USP34: variants seen among roughly 807,000 people sequenced by gnomAD.
USP34 encodes the protein ubiquitin carboxyl-terminal hydrolase 34.
In USP34, 70 loss-of-function variants were observed where a neutral mutation model predicts 460.3. The ratio of observed to expected loss-of-function variants is 0.15; its 90% CI spans 0.13 to 0.19. The LOEUF (loss-of-function observed/expected upper bound fraction) is 0.19. USP34 is among the 10% of genes least tolerant of loss of function. USP34 has a pLI of 1.00. For missense variants in USP34, 3,985 were observed against 4,236.2 expected (o/e 0.94, Z 1.65); for synonymous variants, 1,647 against 1,405.3 (o/e 1.17, Z -3.85).
At chr2:61,375,131 A>T (rs1692753302) in intron 8 of USP34, among the ~76,000 whole-genome samples, 1 of 152,216 alleles carries the variant, frequency 6.6e-6, no homozygotes, top group Non-Finnish European at 1.5e-5. Flanking sequence ...ATTATGGCAA[A>T]TAACCACATA....
intron 1 of USP34, among the ~76,000 whole-genome samples, chr2:61,449,810 G>C (rs1000149646): frequency 6.7e-6 from 1 of 149,722 alleles, no homozygotes; most frequent in African/African-American, 2.4e-5. Flanking sequence ...GCTCACGCCT[G>C]TAATCCCAGC....
intron 23 of USP34, among the ~76,000 whole-genome samples, chr2:61,315,514 C>T (rs1244096829): frequency 1.3e-5 from 2 of 152,032 alleles, no homozygotes; most frequent in African/African-American, 2.4e-5. Flanking sequence ...GCTGGGATTA[C>T]AGGCATGCGC....
chr2:61,440,326 A>T (rs1694928271), intron 1 of USP34, among the ~76,000 whole-genome samples: 1 of 152,022 alleles, frequency 6.6e-6, no homozygotes, highest in Non-Finnish European at 1.5e-5. Flanking sequence ...CTGCTGGAGG[A>T]TGTGCCCAGA....
intron 67 of USP34, among the ~76,000 whole-genome samples, chr2:61,216,923 G>GAA (rs1257182328): frequency 3.0e-5 from 3 of 99,894 alleles, no homozygotes; most frequent in Admixed American, 1.0e-4. Flanking sequence ...ATCTCAAAAA[G>GAA]AAAAAAAAAA....
At position 61,370,482 on chromosome 2, in the gene USP34, G is replaced by A. The variant is rs762923775; in HGVS notation, c.1158+16C>T. On this transcript the variant is annotated intron_variant, in intron 9 of 79. Transcript: ENST00000398571. ...TCTATCAATAGAACAGAGAAGTTAT[G>A]TAATCATCCACAAACCTCAATATGT... The A allele has an allele frequency of 5.6e-6, 9 of 1,613,314 alleles. No homozygotes were observed. Among genetic ancestry groups the A allele is most frequent in the South Asian group, 1.1e-5 (1 of 90,946 alleles).
At chr2:61,395,421 T>C (rs915748011) in intron 3 of USP34, among the ~76,000 whole-genome samples, 188 bp from the exon 4 acceptor site, 1 of 152,196 alleles carries the variant, frequency 6.6e-6, no homozygotes, top group Admixed American at 6.5e-5. Context: ...TAGTCCTCCT[T>C]TAAGTAGAAG....
At chr2:61,225,371 TTC>T (rs1345186066) in intron 62 of USP34, among the ~76,000 whole-genome samples, 1 of 152,102 alleles carries the variant, frequency 6.6e-6, no homozygotes, top group Non-Finnish European at 1.5e-5. Context: ...AATTTTACAA[TTC>T]TTTTTGTCCT....
At chr2:61,352,063 T>C (rs1691957250) in intron 10 of USP34, among the ~76,000 whole-genome samples, 1 of 152,170 alleles carries the variant, frequency 6.6e-6, no homozygotes, top group South Asian at 2.1e-4. Context: ...CACTTTGGAG[T>C]ATCTGCATTA....
At chr2:61,450,097 AAAC>A (rs993037703) in intron 1 of USP34, among the ~76,000 whole-genome samples, 4 of 85,970 alleles carry the variant, frequency 4.7e-5, no homozygotes, top group Non-Finnish European at 7.1e-5. Context: ...AAAAAGTCTT[AAAC>A]AAAAAAAAAG....
chr2:61,350,145 C>T lies in USP34; in HGVS notation c.1507+115G>A, dbSNP rs1362326719. ...TAATCCTTTTATATGCACTCTTCTA[C>T]CCATCCCACACTTATTTTAAAATAA... On this transcript the variant is annotated intron_variant, in intron 12 of 79. Coordinates refer to ENST00000398571, the MANE Select transcript of USP34 (RefSeq NM_014709.4). 1.2e-5 allele frequency: 14 copies of T among 1,172,644 alleles called. No homozygotes were observed. In the South Asian group the frequency reaches 1.7e-4, roughly 14 times the overall value. 72.6% of individuals were successfully genotyped at this position (1,172,644 alleles called of 1,614,324 possible).
intron 1 of USP34, among the ~76,000 whole-genome samples, chr2:61,423,757 A>G (rs1239779120): frequency 6.6e-6 from 1 of 152,192 alleles, no homozygotes; most frequent in Non-Finnish European, 1.5e-5. Context: ...CAGCCTGGGC[A>G]ACACAGCAAG....
At chr2:61,260,953 T>C (rs190330977) in intron 43 of USP34, among the ~76,000 whole-genome samples, 7 of 152,262 alleles carry the variant, frequency 4.6e-5, no homozygotes, top group East Asian at 3.8e-4. Flanking sequence ...TGCATCTATA[T>C]GTATTTACTA....
intron 1 of USP34, among the ~76,000 whole-genome samples, chr2:61,459,701 C>T (rs771592687): frequency 6.7e-5 from 10 of 150,328 alleles, no homozygotes; most frequent in Non-Finnish European, 1.5e-4. Flanking sequence ...CGCTTGAACC[C>T]GGGAGGCGAA....
intron 51 of USP34, 31 bp from the exon 52 acceptor site, chr2:61,241,850 T>C: frequency 8.0e-7 from 1 of 1,255,778 alleles, no homozygotes; most frequent in South Asian, 1.5e-5. Context: ...TTTACTTCTT[T>C]GAAAAAATGG....
At chr2:61,283,048 T>C in intron 37 of USP34, 97 bp downstream of exon 37, 1 of 1,264,434 alleles carries the variant, frequency 7.9e-7, no homozygotes, top group Non-Finnish European at 1.1e-6. Flanking sequence ...ATTTATGGAC[T>C]CACGCATATT....
intron 2 of USP34, among the ~76,000 whole-genome samples, chr2:61,412,272 C>A (rs1398673879): frequency 8.9e-6 from 1 of 112,354 alleles, no homozygotes; most frequent in African/African-American, 3.3e-5. Flanking sequence ...AGGAAACAGA[C>A]AAAATACAAA....
At chr2:61,273,220 C>A (rs1226572828) in intron 41 of USP34, among the ~76,000 whole-genome samples, 1 of 152,140 alleles carries the variant, frequency 6.6e-6, no homozygotes, top group Non-Finnish European at 1.5e-5. Context: ...AAACGATTGG[C>A]TTTGCATAAA....
In USP34 at chr2:61,223,305, A is replaced by G; in HGVS notation, c.7596-9T>C. 1 of 1,612,940 alleles carries G rather than the reference A, an allele frequency of 6.2e-7. No homozygotes were observed. The highest frequency in any genetic ancestry group is 1.3e-5 in the African/African-American group (1 of 75,032). Reference sequence around the variant, plus strand: ...GTGATAATGTCAAATGCCTGAAAGAAAATATTAGTGGAAATAAGTTTTTCT... The same window carrying G: ...GTGATAATGTCAAATGCCTGAAAGAGAATATTAGTGGAAATAAGTTTTTCT... On this transcript the variant is annotated splice_polypyrimidine_tract_variant and intron_variant, in intron 62 of 79. Transcript: ENST00000398571.
chr2:61,191,703 C>G (rs1025266741), intron 76 of USP34, among the ~76,000 whole-genome samples: 13 of 152,074 alleles, frequency 8.5e-5, no homozygotes, highest in Admixed American at 7.9e-4. Context: ...GAAGGGAGTC[C>G]TGCGATGCAG....
Sources: gnomAD v4.1 joint callset for allele counts (sites outside exome capture counted in the v4.1 genomes callset) on GRCh38, gnomAD v4.1.1 for gene constraint, MANE v1.5 for transcripts, NCBI Gene and HGNC (gene_info 2026-07-23, HGNC 2026-07-21) for gene names.